CPXM2: variants seen among roughly 807,000 people sequenced by gnomAD.
CPXM2 encodes inactive carboxypeptidase-like protein X2.
A neutral mutation model predicts 86.1 loss-of-function variants in CPXM2; 66 were observed. The ratio of observed to expected loss-of-function variants is 0.77; its 90% CI spans 0.63 to 0.94. CPXM2 has a LOEUF of 0.94. Among genes scored for constraint, CPXM2 ranks in the 40% least tolerant of loss-of-function variants. The pLI, the probability that CPXM2 is intolerant of heterozygous loss-of-function variation, is 0.00. For synonymous variants in CPXM2, 388 were observed against 400.2 expected (o/e 0.97, Z 0.36); for missense variants, 948 against 1,026.3 (o/e 0.92, Z 1.04).
At chr10:123,781,361 A>G (rs1846929682) in intron 6 of CPXM2, among the ~76,000 whole-genome samples, 1 of 152,240 alleles carries the variant, frequency 6.6e-6, no homozygotes, top group Admixed American at 6.5e-5. Flanking sequence ...AACACAGGGC[A>G]GAGAGGAGAG....
At chr10:123,830,122 T>G (rs923465462) in intron 4 of CPXM2, among the ~76,000 whole-genome samples, 1 of 152,190 alleles carries the variant, frequency 6.6e-6, no homozygotes, top group African/African-American at 2.4e-5. Flanking sequence ...CCTTCTAAAG[T>G]ATGACATATC....
intron 2 of CPXM2, among the ~76,000 whole-genome samples, chr10:123,867,507 G>A (rs1261947859): frequency 3.4e-5 from 5 of 147,438 alleles, no homozygotes; most frequent in Admixed American, 6.8e-5. Context: ...CCTTCAGAGC[G>A]TCATCCTAGA....
chr10:123,866,625 G>T (rs1462924790), intron 2 of CPXM2, among the ~76,000 whole-genome samples: 1 of 151,980 alleles, frequency 6.6e-6, no homozygotes, highest in Non-Finnish European at 1.5e-5. Flanking sequence ...GCCTGTTGAC[G>T]TGGCAGGCAG....
chr10:123,822,531 G>T (rs1193419645), intron 4 of CPXM2, among the ~76,000 whole-genome samples: 1 of 151,994 alleles, frequency 6.6e-6, no homozygotes, highest in Non-Finnish European at 1.5e-5. Context: ...TTGTAAATCG[G>T]GGGTGAGGGC....
chr10:123,922,269 G>A (rs1281837271), intron 2 of CPXM2, among the ~76,000 whole-genome samples: 1 of 318 alleles, frequency 3.1e-3, no homozygotes, highest in African/African-American at 0.011. Flanking sequence ...GAAATTTCAT[G>A]GTATAGTGAT....
At chr10:123,862,520 G>T in intron 3 of CPXM2, 94 bp downstream of exon 3, 1 of 1,044,766 alleles carries the variant, frequency 9.6e-7, no homozygotes, top group Non-Finnish European at 1.5e-6. Context: ...CCAGGCTAAT[G>T]CATTTTAAAT....
In CPXM2 at chr10:123,850,357, T is replaced by C. The variant is rs148905671; in HGVS notation, c.514-7869A>G. Among the ~76,000 whole-genome samples, 55 of 152,336 alleles carry C rather than the reference T, an allele frequency of 3.6e-4. No individual in the cohort carries two copies. The East Asian group carries it at 8.1e-3, about 22-fold the overall frequency. The stretch of plus-strand genomic sequence containing the variant: ...TCCCCCGTTATCTGTGGTTTCTCTT[T>C]CCATGGTTTCAGTTATCTGAAGTCA... On this transcript the variant is annotated intron_variant, in intron 3 of 13. Transcript: ENST00000241305.
Position 123,876,353 on chromosome 10 carries a change from C to T in CPXM2, c.403+3858G>A, listed in dbSNP as rs1210409388. On this transcript the variant is annotated intron_variant, in intron 2 of 13. Transcript: ENST00000241305. ...TCCAGAGATGAATCAGACAAGGCCC[C>T]TGCTCTTAAGCATTCACAGGCTTTC... Among the ~76,000 whole-genome samples the T allele has an allele frequency of 2.0e-5, 3 of 152,328 alleles. No homozygotes were observed. The East Asian group carries it at 5.8e-4, about 29-fold the overall frequency.
intron 10 of CPXM2, 41 bp downstream of exon 10, chr10:123,766,932 T>A: frequency 6.6e-7 from 1 of 1,525,482 alleles, no homozygotes; most frequent in Non-Finnish European, 9.1e-7. Flanking sequence ...GGTTAAGCCT[T>A]GCCTTTGGCT....
At chr10:123,834,726 G>A (rs909879751) in intron 4 of CPXM2, among the ~76,000 whole-genome samples, 6 of 152,214 alleles carry the variant, frequency 3.9e-5, no homozygotes, top group African/African-American at 1.2e-4. Flanking sequence ...ATCTGATCCC[G>A]TGTTGGAGGT....
At chr10:123,854,650 C>A (rs1180055713) in intron 3 of CPXM2, among the ~76,000 whole-genome samples, 1 of 150,420 alleles carries the variant, frequency 6.6e-6, no homozygotes, top group African/African-American at 2.4e-5. Flanking sequence ...GTTCAACAGA[C>A]AACCCCCGGA....
intron 6 of CPXM2, among the ~76,000 whole-genome samples, chr10:123,795,401 G>T (rs570707158): frequency 6.6e-6 from 1 of 152,278 alleles, no homozygotes; most frequent in Non-Finnish European, 1.5e-5. Context: ...TTCACAGGAA[G>T]ATAGTGAGGG....
chr10:123,789,602 G>A (rs1847156579), intron 6 of CPXM2, among the ~76,000 whole-genome samples: 1 of 152,198 alleles, frequency 6.6e-6, no homozygotes, highest in Non-Finnish European at 1.5e-5. Context: ...TTGTTCCTTG[G>A]TGCTTAAAAG....
rs549347439 is a variant in CPXM2, at chr10:123,933,790, C to T, written n.174+5687G>A. On this transcript the variant is annotated intron_variant and non_coding_transcript_variant, in intron 2 of 19. Coordinates refer to the CPXM2 transcript ENST00000368854. ...ACACCTAAACCCAGGCTTCCCCACCCCGGGCAGGCCACAGGAGGCCATCAT... is the reference window on the plus strand; with the variant it reads ...ACACCTAAACCCAGGCTTCCCCACCTCGGGCAGGCCACAGGAGGCCATCAT... Among the ~76,000 whole-genome samples the T allele has an allele frequency of 7.2e-5, 11 of 152,152 alleles. No individual in the cohort carries two copies. In the East Asian group the frequency reaches 1.9e-3, roughly 27 times the overall value.
chr10:123,931,310 T>C (rs1945664487), intron 2 of CPXM2, among the ~76,000 whole-genome samples: 1 of 152,210 alleles, frequency 6.6e-6, no homozygotes, highest in Non-Finnish European at 1.5e-5. Flanking sequence ...TCATGAGTAT[T>C]ATTGAACATT....
chr10:123,819,391 T>C (rs1264570201), intron 4 of CPXM2, among the ~76,000 whole-genome samples: 2 of 152,210 alleles, frequency 1.3e-5, no homozygotes, highest in African/African-American at 2.4e-5. Flanking sequence ...GGGTGCTTGC[T>C]GAAGGCAAAG....
chr10:123,895,335 GCTGGT>G (rs1294585838), upstream of CPXM2, among the ~76,000 whole-genome samples: 2 of 151,884 alleles, frequency 1.3e-5, no homozygotes, highest in African/African-American at 4.8e-5. Context: ...TGTTGGTCAG[GCTGGT>G]CTCGAACTTC....
At chr10:123,799,853 A>G (rs1847416139) in intron 4 of CPXM2, among the ~76,000 whole-genome samples, 2 of 152,116 alleles carry the variant, frequency 1.3e-5, no homozygotes, top group African/African-American at 4.8e-5. Context: ...TTGACTTTCC[A>G]GAGTGGAGGT....
At chr10:123,790,903 G>A (rs1438077905) in intron 6 of CPXM2, among the ~76,000 whole-genome samples, 1 of 152,162 alleles carries the variant, frequency 6.6e-6, no homozygotes, top group African/African-American at 2.4e-5. Flanking sequence ...GCACTTTCTA[G>A]GGCACATGAG....
Sources: allele counts gnomAD v4.1 joint callset (sites outside exome capture counted in the v4.1 genomes callset), GRCh38; gene constraint gnomAD v4.1.1; transcripts MANE v1.5; gene names NCBI Gene and HGNC (gene_info 2026-07-23, HGNC 2026-07-21).